The following MINDY4B variants were observed in gnomAD, a reference collection of about 807,000 sequenced individuals.
MINDY4B encodes MINDY family member 4B.
A neutral mutation model predicts 16.7 loss-of-function variants in MINDY4B; 25 were observed. The observed-to-expected ratio is 1.49, with a 90% CI of 1.09 to 2.09. The LOEUF is 2.09. Among genes scored for constraint, MINDY4B ranks in the 30% most tolerant of loss-of-function variants. MINDY4B has a pLI of 0.00. For missense variants in MINDY4B, 327 were observed against 168.4 expected (o/e 1.94, Z -5.21); for synonymous variants, 132 against 61.9 (o/e 2.13, Z -5.32).
At chr3:150,890,153 A>C (rs1432131629) in intron 7 of MINDY4B, among the ~76,000 whole-genome samples, 167 bp downstream of exon 7, 3 of 152,146 alleles carry the variant, frequency 2.0e-5, no homozygotes, top group Non-Finnish European at 4.4e-5. Context: ...CTAGGTTGTG[A>C]GGAGGAAGAG....
chr3:150,879,513 C>T (rs1038360586), intron 10 of MINDY4B, among the ~76,000 whole-genome samples: 3 of 152,186 alleles, frequency 2.0e-5, no homozygotes, highest in Non-Finnish European at 4.4e-5. Flanking sequence ...ACTTTAGAAT[C>T]ATCTATGGGC....
rs1711898947 is a variant in MINDY4B, at chr3:150,894,191, C to T, written c.424G>A (p.Gly142Arg). 1 of 690,348 alleles carries T rather than the reference C, an allele frequency of 1.4e-6. No individual in the cohort carries two copies. Among genetic ancestry groups the T allele is most frequent in the African/African-American group, 1.8e-5 (1 of 56,234 alleles). The allele number at this position is 690,348 out of a possible 1,614,324, so 42.8% of individuals were successfully genotyped here. A position where few individuals can be genotyped will look rare whatever the true frequency, so the allele number is the denominator to read the frequency against. Residue 142 changes from glycine (G) to arginine (R), a missense_variant, in exon 4 of 12, where the codon GGA (glycine) becomes AGA (arginine). Gly to Arg is a moderately radical substitution (Grantham distance 125, BLOSUM62 -2). Transcript: ENST00000465419. ...SSELAFTLEV[G>R]KGGARSIQMA... ...AATTATAAACTGGCTATTACCTTTC[C>T]CACTTCCAGAGTGAAAGCTAGTTCA...
intron 10 of MINDY4B, among the ~76,000 whole-genome samples, chr3:150,881,260 T>A (rs1224741074): frequency 6.6e-6 from 1 of 152,178 alleles, no homozygotes; most frequent in Non-Finnish European, 1.5e-5. Context: ...GGTGTACATC[T>A]GTAATCCCAG....
At chr3:150,879,732 A>G (rs530268697) in intron 10 of MINDY4B, among the ~76,000 whole-genome samples, 1 of 152,328 alleles carries the variant, frequency 6.6e-6, no homozygotes. Flanking sequence ...TTGACTACAC[A>G]TGCTTATAAA....
chr3:150,882,735 G>T (rs1364980227), intron 10 of MINDY4B, among the ~76,000 whole-genome samples, 162 bp downstream of exon 10: 5 of 152,078 alleles, frequency 3.3e-5, no homozygotes, highest in African/African-American at 1.2e-4. Flanking sequence ...ATTTCCATCT[G>T]TGGAAATTTC....
In MINDY4B at chr3:150,871,127, C is replaced by A. The variant is rs1434122474; in HGVS notation, c.1301G>T (p.Arg434Leu). The change falls in exon 12 of 12, where the codon CGG becomes CTG. Residue 434 changes from arginine (R) to leucine (L), a missense_variant. Transcript: ENST00000465419. Reference sequence around the variant, plus strand: ...GATTGCCATCTCCACTGGTGAAAACCGTCGTCTTGGTCCATGTTTCTCTTC... The same window carrying A: ...GATTGCCATCTCCACTGGTGAAAACAGTCGTCTTGGTCCATGTTTCTCTTC... ...QQEEKHGPRR[R>L]FSPVEMAIRT... 1.4e-6 allele frequency: 1 copy of A among 702,736 alleles called. No homozygotes were observed. The highest frequency in any genetic ancestry group is 1.7e-5 in the African/African-American group (1 of 57,252). 43.5% of individuals were successfully genotyped at this position (702,736 alleles called of 1,614,324 possible).
chr3:150,892,035 A>G (rs374812346), intron 5 of MINDY4B, among the ~76,000 whole-genome samples: 5 of 152,176 alleles, frequency 3.3e-5, no homozygotes, highest in East Asian at 1.9e-4. Flanking sequence ...CCTGTGATCC[A>G]TTTTACTTAG....
At chr3:150,885,963 G>A (rs1210976375) in intron 7 of MINDY4B, among the ~76,000 whole-genome samples, 1 of 152,146 alleles carries the variant, frequency 6.6e-6, no homozygotes, top group African/African-American at 2.4e-5. Flanking sequence ...TTTTCTCCAG[G>A]TTTATTGCAA....
At position 150,882,963 on chromosome 3, in the gene MINDY4B, C is replaced by G; in HGVS notation, c.993G>C (p.Leu331=). Residue 331 remains leucine, a synonymous_variant, in exon 10 of 12, where the codon CTG becomes CTC. Coordinates refer to ENST00000465419, the MANE Select transcript of MINDY4B (RefSeq NM_001351281.2). The part of the protein sequence containing the change: ...GKSQETLHGV[L]TRSDVGYLQW... ...GCAAATAGCCAACATCACTGCGGGT[C>G]AGGACTCCATGTAGTGTTTCCTGAG... 1.4e-6 allele frequency: 1 copy of G among 702,896 alleles called. No individual in the cohort carries two copies. The highest frequency in any genetic ancestry group is 2.6e-6 in the Non-Finnish European group (1 of 384,840). 43.5% of individuals were successfully genotyped at this position (702,896 alleles called of 1,614,324 possible).
intron 4 of MINDY4B, among the ~76,000 whole-genome samples, chr3:150,893,699 G>T (rs866062644): frequency 3.6e-4 from 26 of 72,430 alleles, no homozygotes; most frequent in Non-Finnish European, 6.7e-4. Flanking sequence ...TTTTTTTTGG[G>T]GGGGGGGGTG....
At chr3:150,893,697 G>GCC (rs1711881348) in intron 4 of MINDY4B, among the ~76,000 whole-genome samples, 2 of 47,098 alleles carry the variant, frequency 4.2e-5, no homozygotes, top group Admixed American at 4.2e-4. Flanking sequence ...GTTTTTTTTT[G>GCC]GGGGGGGGGG....
At chr3:150,886,051 T>C (rs139153123) in intron 7 of MINDY4B, among the ~76,000 whole-genome samples, 1 of 152,358 alleles carries the variant, frequency 6.6e-6, no homozygotes, top group East Asian at 1.9e-4. Flanking sequence ...AATTAATATG[T>C]GTCCCTCTCT....
chr3:150,900,042 G>T (rs1712079317), intron 3 of MINDY4B, among the ~76,000 whole-genome samples: 1 of 152,218 alleles, frequency 6.6e-6, no homozygotes, highest in South Asian at 2.1e-4. Flanking sequence ...AGTGGGAGAA[G>T]GTGGGAAACT....
At chr3:150,892,208 C>T (rs1229502257) in intron 5 of MINDY4B, among the ~76,000 whole-genome samples, 1 of 152,222 alleles carries the variant, frequency 6.6e-6, no homozygotes, top group South Asian at 2.1e-4. Flanking sequence ...TACAGAAGCC[C>T]TGCTCCCTCA....
chr3:150,876,951 A>G (rs1397444867), intron 10 of MINDY4B, among the ~76,000 whole-genome samples: 2 of 152,202 alleles, frequency 1.3e-5, no homozygotes, highest in African/African-American at 2.4e-5. Context: ...AGGCTTCAAA[A>G]TAGTGCCTCA....
chr3:150,886,049 T>A (rs989356973), intron 7 of MINDY4B, among the ~76,000 whole-genome samples: 6 of 152,236 alleles, frequency 3.9e-5, no homozygotes, highest in Non-Finnish European at 5.9e-5. Context: ...AAAATTAATA[T>A]GTGTCCCTCT....
At chr3:150,877,249 C>T (rs1341235176) in intron 10 of MINDY4B, among the ~76,000 whole-genome samples, 1 of 152,136 alleles carries the variant, frequency 6.6e-6, no homozygotes, top group Admixed American at 6.5e-5. Flanking sequence ...ACTAAGAAAT[C>T]TTTCTTATAT....
rs1018627774 is a variant in MINDY4B, at chr3:150,894,863, A to G, written c.310-558T>C. Among the ~76,000 whole-genome samples the G allele has an allele frequency of 7.2e-5, 11 of 152,148 alleles. No individual in the cohort carries two copies. In the South Asian group the frequency reaches 8.3e-4, roughly 11 times the overall value. ...AAGACTGATTGATCATTTAGCATGT[A>G]CTCGATCTTGTGTGGGATATAGTTA... On this transcript the variant is annotated intron_variant, in intron 3 of 11. Transcript: ENST00000465419.
At chr3:150,895,120 C>T (rs1050392778) in intron 3 of MINDY4B, among the ~76,000 whole-genome samples, 1 of 152,040 alleles carries the variant, frequency 6.6e-6, no homozygotes, top group Non-Finnish European at 1.5e-5. Flanking sequence ...CCCATTTATT[C>T]CCTTCATTTA....
Sources: gnomAD v4.1 joint callset for allele counts (sites outside exome capture counted in the v4.1 genomes callset) on GRCh38, gnomAD v4.1.1 for gene constraint, MANE v1.5 for transcripts, NCBI Gene and HGNC (gene_info 2026-07-23, HGNC 2026-07-21) for gene names.